The following GULP1 variants were observed in gnomAD, a reference collection of about 807,000 sequenced individuals.
GULP1 encodes PTB domain-containing engulfment adapter protein 1.
Under a neutral mutation model 40.9 loss-of-function variants are expected in GULP1, and 19 were observed. That is an observed-to-expected ratio of 0.46 (90% confidence interval 0.32 to 0.68). GULP1 has a LOEUF of 0.68. GULP1 is among the 30% of genes least tolerant of loss of function. The pLI is 0.03. For synonymous variants in GULP1, 119 were observed against 117.6 expected (o/e 1.01, Z -0.08); for missense variants, 312 against 362.2 (o/e 0.86, Z 1.12).
chr2:188,570,382 A>T (rs537116303), intron 9 of GULP1, among the ~76,000 whole-genome samples: 1 of 152,308 alleles, frequency 6.6e-6, no homozygotes, highest in African/African-American at 2.4e-5. Flanking sequence ...GTTTTATTAC[A>T]TAATATAATT....
intron 11 of GULP1, chr2:188,592,138 T>G (rs1703684626): frequency 6.6e-6 from 1 of 152,048 alleles, no homozygotes; most frequent in African/African-American, 2.4e-5. Flanking sequence ...TGGCTGCTAT[T>G]CTGCTTTTCC....
chr2:188,315,561 A>G (rs1172610462), intron 1 of GULP1, among the ~76,000 whole-genome samples: 2 of 152,116 alleles, frequency 1.3e-5, no homozygotes, highest in East Asian at 1.9e-4. Flanking sequence ...CACTTAGCAT[A>G]CTACTTGATG....
chr2:188,465,065 C>G (rs1033592015), intron 2 of GULP1, among the ~76,000 whole-genome samples: 6 of 151,936 alleles, frequency 3.9e-5, no homozygotes, highest in Admixed American at 3.9e-4. Context: ...CTCCACTTCT[C>G]TCAAGCAGAA....
In GULP1 at chr2:188,594,228, CCTTT is replaced by C. The variant is rs756472779; in HGVS notation, c.*220_*223del. The stretch of plus-strand genomic sequence containing the variant: ...GTAAAGTAGATCATACTTTTATGTT[CCTTT>C]CTGTTTCTACTGTAGATGAATTTGT... On this transcript the variant is annotated 3_prime_UTR_variant, in exon 12 of 12. Transcript: ENST00000409830. The C allele has an allele frequency of 2.3e-5, 8 of 352,552 alleles. No individual in the cohort carries two copies. Among genetic ancestry groups the C allele is most frequent in the African/African-American group, 1.3e-4 (6 of 47,930 alleles). 21.8% of individuals were successfully genotyped at this position (352,552 alleles called of 1,614,324 possible).
intron 2 of GULP1, among the ~76,000 whole-genome samples, chr2:188,438,702 C>G (rs1193373826): frequency 6.6e-6 from 1 of 151,610 alleles, no homozygotes; most frequent in African/African-American, 2.4e-5. Flanking sequence ...ACAAAATAAA[C>G]TTGCATGAAA....
At chr2:188,471,835 T>C (rs1428574731) in intron 2 of GULP1, among the ~76,000 whole-genome samples, 1 of 152,176 alleles carries the variant, frequency 6.6e-6, no homozygotes, top group African/African-American at 2.4e-5. Flanking sequence ...AGTATTCTGT[T>C]TTTCTGTGTT....
intron 2 of GULP1, among the ~76,000 whole-genome samples, chr2:188,467,268 C>T (rs2152990285): frequency 6.6e-6 from 1 of 152,248 alleles, no homozygotes; most frequent in African/African-American, 2.4e-5. Flanking sequence ...ATTGAGGCAA[C>T]CTTCTCTTTC....
intron 1 of GULP1, among the ~76,000 whole-genome samples, chr2:188,302,422 A>G (rs752063087): frequency 1.3e-5 from 2 of 152,194 alleles, no homozygotes; most frequent in African/African-American, 4.8e-5. Flanking sequence ...GTGTATTGAA[A>G]ACATTAAATA....
chr2:188,553,167 G>A (rs1186536968), intron 7 of GULP1, among the ~76,000 whole-genome samples: 2 of 151,836 alleles, frequency 1.3e-5, no homozygotes, highest in Admixed American at 6.6e-5. Context: ...CAATTTGGAT[G>A]CTTTTATTTC....
intron 9 of GULP1, among the ~76,000 whole-genome samples, chr2:188,575,008 T>C (rs546995548): frequency 2.0e-5 from 3 of 152,342 alleles, no homozygotes; most frequent in African/African-American, 7.2e-5. Flanking sequence ...CAGTCACTTA[T>C]ATGTTATATA....
chr2:188,504,595 A>G (rs1309400455), intron 4 of GULP1, among the ~76,000 whole-genome samples: 4 of 151,932 alleles, frequency 2.6e-5, no homozygotes, highest in Non-Finnish European at 5.9e-5. Flanking sequence ...AGAGAAAATG[A>G]TGGTTAACAA....
chr2:188,339,272 T>C (rs1047747071), intron 1 of GULP1, among the ~76,000 whole-genome samples: 1 of 152,246 alleles, frequency 6.6e-6, no homozygotes, highest in Non-Finnish European at 1.5e-5. Flanking sequence ...ATTAGACTTA[T>C]GCAGATTTAG....
At chr2:188,406,612 C>T (rs2053145156) in intron 2 of GULP1, among the ~76,000 whole-genome samples, 1 of 151,244 alleles carries the variant, frequency 6.6e-6, no homozygotes, top group Non-Finnish European at 1.5e-5. Context: ...CAGAGTTGTT[C>T]AAACAGAAAA....
intron 2 of GULP1, among the ~76,000 whole-genome samples, chr2:188,465,530 T>G (rs2060039575): frequency 6.6e-6 from 1 of 151,888 alleles, no homozygotes; most frequent in East Asian, 1.9e-4. Context: ...TCTCAGTAGG[T>G]CATGACCCCC....
At chr2:188,571,641 C>T (rs193106545) in intron 9 of GULP1, among the ~76,000 whole-genome samples, 12 of 152,246 alleles carry the variant, frequency 7.9e-5, no homozygotes, top group Middle Eastern at 3.4e-3. Context: ...TTGCCTCTCT[C>T]GCTGCTAGGG....
At chr2:188,305,023 G>T (rs867786881) in intron 1 of GULP1, among the ~76,000 whole-genome samples, 4 of 151,932 alleles carry the variant, frequency 2.6e-5, no homozygotes, top group African/African-American at 7.3e-5. Context: ...CCCCAAGACT[G>T]CCCCTCATGC....
At chr2:188,549,680 C>T (rs1692945313) in intron 7 of GULP1, among the ~76,000 whole-genome samples, 1 of 151,758 alleles carries the variant, frequency 6.6e-6, no homozygotes, top group South Asian at 2.1e-4. Flanking sequence ...AAAACCTATA[C>T]ACAAATATTT....
In GULP1 at chr2:188,475,393, GTTT is replaced by G. The variant is rs545319653; in HGVS notation, c.-44-2259_-44-2257del. Among the ~76,000 whole-genome samples, 3 of 151,046 alleles carry G rather than the reference GTTT, an allele frequency of 2.0e-5. No individual in the cohort carries two copies. In the East Asian group the frequency reaches 5.8e-4, roughly 29 times the overall value. ...TGAACTTTATATAATTATGTGAAGA[GTTT>G]TTTTTTGTTGTTATTCTTGTTCCAT... is the stretch of plus-strand genomic sequence containing the variant. On this transcript the variant is annotated intron_variant, in intron 2 of 11. Transcript: ENST00000409830.
chr2:188,356,222 C>T (rs2045297041), intron 1 of GULP1, among the ~76,000 whole-genome samples: 1 of 151,972 alleles, frequency 6.6e-6, no homozygotes, highest in African/African-American at 2.4e-5. Flanking sequence ...AAAGGGCATC[C>T]AAATTGGAAA....
Sources: gnomAD v4.1 joint callset for allele counts (sites outside exome capture counted in the v4.1 genomes callset) on GRCh38, gnomAD v4.1.1 for gene constraint, MANE v1.5 for transcripts, NCBI Gene and HGNC (gene_info 2026-07-23, HGNC 2026-07-21) for gene names.